Variants in IGSF10 observed in about 807,000 individuals in gnomAD.
The protein encoded by IGSF10 is immunoglobulin superfamily member 10.
IGSF10 carries 126 observed loss-of-function variants against 128.2 expected under a neutral mutation model. That is an observed-to-expected ratio of 0.98 (90% CI 0.85 to 1.14). The LOEUF (loss-of-function observed/expected upper bound fraction) is 1.14. Among genes scored for constraint, IGSF10 ranks in the 50% most tolerant of loss-of-function variants. The pLI is 0.00. For synonymous variants in IGSF10, 1,185 were observed against 1,146.2 expected, an observed-to-expected ratio of 1.03 and a Z score of -0.68; for missense variants, 3,295 against 3,149.8, an observed-to-expected ratio of 1.05 and a Z score of -1.10.
upstream of IGSF10, among the ~76,000 whole-genome samples, chr3:151,464,040 G>C (rs907118265): frequency 1.3e-5 from 2 of 152,090 alleles, no homozygotes; most frequent in African/African-American, 4.8e-5. Flanking sequence ...CAATGATAAT[G>C]ACTTTATTTT....
At chr3:151,603,916 G>A in the IGSF10 span, among the ~76,000 whole-genome samples, 1 of 152,294 alleles carries the variant, frequency 6.6e-6, no homozygotes, top group East Asian at 1.9e-4. Context: ...CCTTTGTTCC[G>A]AGACTGTCCT....
At chr3:151,551,369 G>A in the IGSF10 span, among the ~76,000 whole-genome samples, 3 of 151,882 alleles carry the variant, frequency 2.0e-5, no homozygotes, top group Non-Finnish European at 4.4e-5. Context: ...ACATCCTCAG[G>A]TATCACAGTC....
At chr3:151,585,988 TTTTTTTTTTGA>T in the IGSF10 span, among the ~76,000 whole-genome samples, 25 of 151,998 alleles carry the variant, frequency 1.6e-4, no homozygotes, top group Non-Finnish European at 2.9e-4. Context: ...AACCATTTTT[TTTTTTTTTTGA>T]GACAGGGTCT....
At chr3:151,551,666 C>T in the IGSF10 span, among the ~76,000 whole-genome samples, 2 of 77,416 alleles carry the variant, frequency 2.6e-5, no homozygotes, top group Admixed American at 1.2e-4. Context: ...GGGCATTACA[C>T]ACACACACAC....
At chr3:151,563,493 C>T in the IGSF10 span, among the ~76,000 whole-genome samples, 3 of 152,016 alleles carry the variant, frequency 2.0e-5, no homozygotes, top group African/African-American at 7.2e-5. Context: ...ACAAATAACA[C>T]GTTTATGGAT....
intron 7 of IGSF10, among the ~76,000 whole-genome samples, chr3:151,440,222 G>T (rs1720766824): frequency 6.6e-6 from 1 of 151,982 alleles, no homozygotes; most frequent in East Asian, 1.9e-4. Flanking sequence ...TAGAGACAGG[G>T]TCTCACTGTG....
chr3:151,555,442 A>T, the IGSF10 span, among the ~76,000 whole-genome samples: 1 of 152,130 alleles, frequency 6.6e-6, no homozygotes, highest in Middle Eastern at 3.2e-3. Context: ...TTAAAAATTC[A>T]TCAAAGTAAT....
the IGSF10 span, among the ~76,000 whole-genome samples, chr3:151,517,708 G>A: frequency 6.6e-6 from 1 of 151,878 alleles, no homozygotes; most frequent in Non-Finnish European, 1.5e-5. Context: ...AGTTATGGGA[G>A]GCCATTGTTC....
chr3:151,539,274 G>A, the IGSF10 span, among the ~76,000 whole-genome samples: 1 of 152,178 alleles, frequency 6.6e-6, no homozygotes, highest in African/African-American at 2.4e-5. Flanking sequence ...TGTAACCCGA[G>A]AGAAGACCAG....
the IGSF10 span, among the ~76,000 whole-genome samples, chr3:151,547,017 C>G: frequency 5.9e-5 from 9 of 152,002 alleles, no homozygotes; most frequent in Admixed American, 5.2e-4. Flanking sequence ...GCGATCCACC[C>G]CCCCCTTGGC....
chr3:151,478,857 T>C, the IGSF10 span, among the ~76,000 whole-genome samples: 1 of 151,976 alleles, frequency 6.6e-6, no homozygotes, highest in South Asian at 2.1e-4. Flanking sequence ...TTGGATAAGA[T>C]AAAATAAAAG....
At chr3:151,548,461 C>A in the IGSF10 span, among the ~76,000 whole-genome samples, 2 of 152,198 alleles carry the variant, frequency 1.3e-5, no homozygotes, top group African/African-American at 4.8e-5. Flanking sequence ...AAATTACTGA[C>A]CCACAAAACC....
chr3:151,510,654 T>C, the IGSF10 span, among the ~76,000 whole-genome samples: 1 of 151,948 alleles, frequency 6.6e-6, no homozygotes, highest in East Asian at 1.9e-4. Flanking sequence ...CTTCAGAAGA[T>C]CAAACTACTC....
the IGSF10 span, among the ~76,000 whole-genome samples, chr3:151,531,899 G>T: frequency 1.6e-4 from 24 of 151,922 alleles, no homozygotes; most frequent in Admixed American, 5.9e-4. Context: ...CCAGGAGCTG[G>T]TTTTTTTTAA....
At chr3:151,462,762 G>C (rs115593564), upstream of IGSF10, among the ~76,000 whole-genome samples, 684 of 151,888 alleles carry the variant, frequency 4.5e-3, 5 homozygotes, top group African/African-American at 0.016. Flanking sequence ...TAGAATTATA[G>C]AATCAGAGAC....
chr3:151,466,238 A>G, the IGSF10 span, among the ~76,000 whole-genome samples: 16 of 151,980 alleles, frequency 1.1e-4, no homozygotes, highest in African/African-American at 3.9e-4. Flanking sequence ...ATACCAGGTG[A>G]CCAGGCGAGG....
At position 151,449,107 on chromosome 3, in the gene IGSF10, T is replaced by C; in HGVS notation, c.874A>G (p.Ser292Gly). 5 of 1,614,194 alleles carry C rather than the reference T, an allele frequency of 3.1e-6. No homozygotes were observed. The highest frequency in any genetic ancestry group is 1.7e-5 in the Admixed American group (1 of 60,018). ...PTIDSSLKSK[S>G]LTILEDSSSA... ...CTACTGTCTTCCAGAATAGTCAGGC[T>C]CTTTGATTTCAGGGATGAGTCAATG... Residue 292 changes from serine to glycine, a missense_variant, in exon 6 of 8, where the codon AGC becomes GGC. Transcript: ENST00000282466.
chr3:151,481,843 T>C, the IGSF10 span, among the ~76,000 whole-genome samples: 1 of 152,142 alleles, frequency 6.6e-6, no homozygotes, highest in Non-Finnish European at 1.5e-5. Context: ...AAGAGGATTC[T>C]TAAAGTCCTT....
chr3:151,515,890 G>T, the IGSF10 span, among the ~76,000 whole-genome samples: 1 of 151,622 alleles, frequency 6.6e-6, no homozygotes, highest in Non-Finnish European at 1.5e-5. Flanking sequence ...TTTATAGAGG[G>T]ATTTCATTCA....
Sources: allele counts gnomAD v4.1 joint callset (sites outside exome capture counted in the v4.1 genomes callset), GRCh38; gene constraint gnomAD v4.1.1; transcripts MANE v1.5; gene names NCBI Gene and HGNC (gene_info 2026-07-23, HGNC 2026-07-21).